The following MBNL3 variants were observed in gnomAD, a reference collection of about 807,000 sequenced individuals.
The protein encoded by MBNL3 is muscleblind-like protein 3.
MBNL3 carries 6 observed loss-of-function variants against 24.5 expected under a neutral mutation model. The observed-to-expected ratio is 0.25, with a 90% CI of 0.13 to 0.48. The LOEUF (loss-of-function observed/expected upper bound fraction) is 0.48. Among genes scored for constraint, MBNL3 ranks in the 20% least tolerant of loss-of-function variants. MBNL3 has a pLI of 0.99. For missense variants in MBNL3, 230 were observed against 293.5 expected (o/e 0.78, Z 1.58); for synonymous variants, 100 against 101.7 (o/e 0.98, Z 0.10).
intron 2 of MBNL3, chrX:132,437,899 CT>C: frequency 1.5e-6 from 1 of 664,163 alleles, no homozygotes; most frequent in Non-Finnish European, 1.8e-6. Flanking sequence ...TAGGAATTAC[CT>C]TTATCTTTAC....
At chrX:132,457,748 C>T (rs997064244) in intron 1 of MBNL3, among the ~76,000 whole-genome samples, 6 of 111,718 alleles carry the variant, frequency 5.4e-5, no homozygotes, top group African/African-American at 1.9e-4. Context: ...TTCTTCAACT[C>T]ACACTGACAT....
intron 3 of MBNL3, among the ~76,000 whole-genome samples, chrX:132,396,592 CTATATATATTCCT>C (rs1938809390): frequency 9.8e-5 from 4 of 40,912 alleles, no homozygotes; most frequent in Non-Finnish European, 1.6e-4. Flanking sequence ...ATATATATTC[CTATATATATTCCT>C]ATATATATTC....
At position 132,370,941 on chromosome X, in the gene MBNL3, G is replaced by A. The variant is rs779745004; in HGVS notation, c.*8725C>T. 4.5e-5 allele frequency: 5 copies of A among 111,712 alleles called. No homozygotes were observed. Among genetic ancestry groups the A allele is most frequent in the Non-Finnish European group, 7.5e-5 (4 of 53,115 alleles). 9.2% of individuals were successfully genotyped at this position (111,712 alleles called of 1,213,427 possible). A position where few individuals can be genotyped will look rare whatever the true frequency, so the allele number is the denominator to read the frequency against. ...CCAAGTCTCCAATTTGATGATGGTCGGGAATGCTTGCCCTGAATTCTTACC... is the reference window on the plus strand; with the variant it reads ...CCAAGTCTCCAATTTGATGATGGTCAGGAATGCTTGCCCTGAATTCTTACC... On this transcript the variant is annotated 3_prime_UTR_variant, in exon 9 of 9. Transcript: ENST00000370853.
chrX:132,411,226 A>G, intron 2 of MBNL3: 1 of 754,252 alleles, frequency 1.3e-6, no homozygotes. Context: ...TTCTTGACAC[A>G]TCCCATACAC....
Position 132,378,198 on chromosome X carries a change from C to T in MBNL3, c.*1468G>A, listed in dbSNP as rs1451704106. 1 of 111,388 alleles carries T rather than the reference C, an allele frequency of 9.0e-6. No individual in the cohort carries two copies. The highest frequency in any genetic ancestry group is 1.9e-5 in the Non-Finnish European group (1 of 53,011). 9.2% of individuals were successfully genotyped at this position (111,388 alleles called of 1,213,427 possible). A position where few individuals can be genotyped will look rare whatever the true frequency, so the allele number is the denominator to read the frequency against. The stretch of plus-strand genomic sequence containing the variant: ...TAAAGTTTGGGCAGGGGGACACTTG[C>T]CATATATCACAGGTGCTTTCTCCTT... On this transcript the variant is annotated 3_prime_UTR_variant, in exon 9 of 9. Coordinates refer to ENST00000370853, the MANE Select transcript of MBNL3 (RefSeq NM_001386889.1).
intron 2 of MBNL3, among the ~76,000 whole-genome samples, chrX:132,436,099 A>G (rs1010969991): frequency 1.8e-5 from 2 of 112,240 alleles, no homozygotes; most frequent in Admixed American, 1.9e-4. Context: ...AAACTGTAAT[A>G]TCAAGAAATT....
intron 1 of MBNL3, among the ~76,000 whole-genome samples, chrX:132,440,960 A>G (rs888479689): frequency 7.1e-5 from 8 of 112,807 alleles, no homozygotes; most frequent in Non-Finnish European, 1.5e-4. Flanking sequence ...AAAATATTTC[A>G]TTTAATTTTT....
At chrX:132,405,658 C>T (rs1941663293) in intron 3 of MBNL3, among the ~76,000 whole-genome samples, 1 of 110,892 alleles carries the variant, frequency 9.0e-6, no homozygotes, top group South Asian at 3.8e-4. Context: ...GGTGGATCAC[C>T]TGAAGTCAGG....
At chrX:132,455,404 G>A (rs1300593389) in intron 1 of MBNL3, among the ~76,000 whole-genome samples, 1 of 111,953 alleles carries the variant, frequency 8.9e-6, no homozygotes, top group Non-Finnish European at 1.9e-5. Flanking sequence ...TTAAATCCAC[G>A]TTTTGGATAT....
chrX:132,408,092 C>CTTTTTTTTTTTTTT (rs60044820), intron 2 of MBNL3, among the ~76,000 whole-genome samples: 3 of 22,572 alleles, frequency 1.3e-4, no homozygotes, highest in Admixed American at 8.3e-4. Context: ...GAATTTCAGT[C>CTTTTTTTTTTTTTT]TTTTTTTTTT....
rs61024710 is a variant in MBNL3, at chrX:132,396,416, CTA to C, written c.343-4084_343-4083del. Among the ~76,000 whole-genome samples the C allele has an allele frequency of 9.2e-3, 619 of 67,501 alleles. 16 individuals are homozygous for C. Among genetic ancestry groups the C allele is most frequent in the African/African-American group, 0.024 (360 of 15,164 alleles). The allele number at this position is 67,501 out of a possible 115,157, so 58.6% of individuals were successfully genotyped here. On this transcript the variant is annotated intron_variant, in intron 3 of 8. Coordinates refer to ENST00000370853, the MANE Select transcript of MBNL3 (RefSeq NM_001386889.1). ...TTCCTATATATATTCATATATATTCCTATATATATATTCCTATATATATTCAT... is the reference window on the plus strand; with the variant it reads ...TTCCTATATATATTCATATATATTCCTATATATATTCCTATATATATTCAT...
intron 2 of MBNL3, among the ~76,000 whole-genome samples, chrX:132,415,493 T>A (rs1352629702): frequency 8.9e-6 from 1 of 111,760 alleles, no homozygotes; most frequent in Non-Finnish European, 1.9e-5. Context: ...GCCACATATC[T>A]CTCCACTCAA....
chrX:132,439,020 A>C (rs908861679), intron 2 of MBNL3, among the ~76,000 whole-genome samples: 3 of 110,418 alleles, frequency 2.7e-5, no homozygotes, highest in African/African-American at 9.9e-5. Context: ...GGTACTATGG[A>C]TAATATGCTA....
At chrX:132,381,319 C>A in intron 8 of MBNL3, 1 of 796,661 alleles carries the variant, frequency 1.3e-6, no homozygotes, top group Non-Finnish European at 1.8e-6. Context: ...AAATATGTAG[C>A]CTATAAATAT....
chrX:132,415,312 G>A (rs1943196521), intron 2 of MBNL3, among the ~76,000 whole-genome samples: 1 of 111,927 alleles, frequency 8.9e-6, no homozygotes, highest in African/African-American at 3.3e-5. Context: ...CTGTCTCTAA[G>A]TAAAATGAAA....
rs1452512164 is a variant in MBNL3, at chrX:132,379,099, T to A, written c.*567A>T. 8.9e-6 allele frequency: 1 copy of A among 112,347 alleles called. No homozygotes were observed. Among genetic ancestry groups the A allele is most frequent in the Non-Finnish European group, 1.9e-5 (1 of 53,248 alleles). 9.3% of individuals were successfully genotyped at this position (112,347 alleles called of 1,213,427 possible). On this transcript the variant is annotated 3_prime_UTR_variant, in exon 9 of 9. Coordinates refer to ENST00000370853, the MANE Select transcript of MBNL3 (RefSeq NM_001386889.1). The stretch of plus-strand genomic sequence containing the variant: ...TCATGTTCTTAAGCACATATACTTC[T>A]GTTCCCCACTAATAACACTTTAGTT...
At chrX:132,415,583 C>T (rs995905003) in intron 2 of MBNL3, among the ~76,000 whole-genome samples, 5 of 111,751 alleles carry the variant, frequency 4.5e-5, no homozygotes, top group East Asian at 2.8e-4. Context: ...AAATCAGTTC[C>T]TCTTTTGTTA....
intron 2 of MBNL3, among the ~76,000 whole-genome samples, chrX:132,425,582 T>A (rs1944239566): frequency 9.0e-6 from 1 of 111,452 alleles, no homozygotes; most frequent in South Asian, 3.7e-4. Context: ...ATATATATAT[T>A]TTTGAACTAG....
intron 1 of MBNL3, among the ~76,000 whole-genome samples, chrX:132,465,274 T>C (rs1289645987): frequency 8.9e-6 from 1 of 111,911 alleles, no homozygotes; most frequent in Non-Finnish European, 1.9e-5. Flanking sequence ...TATTTTGTTA[T>C]GGTAGTGGTA....
Sources: gnomAD v4.1 joint callset for allele counts (sites outside exome capture counted in the v4.1 genomes callset) on GRCh38, gnomAD v4.1.1 for gene constraint, MANE v1.5 for transcripts, NCBI Gene and HGNC (gene_info 2026-07-23, HGNC 2026-07-21) for gene names.